The following CACNA1C variants were observed in gnomAD, a reference collection of about 807,000 sequenced individuals.
CACNA1C encodes voltage-dependent L-type calcium channel subunit alpha-1C.
Under a neutral mutation model 229.0 loss-of-function variants are expected in CACNA1C, and 30 were observed. The observed-to-expected ratio is 0.13, with a 90% CI of 0.10 to 0.18. CACNA1C has a LOEUF of 0.18. CACNA1C is among the 10% of genes least tolerant of loss of function. The pLI, the probability that CACNA1C is intolerant of heterozygous loss-of-function variation, is 1.00. For missense variants in CACNA1C, 1,658 were observed against 2,845.0 expected, an observed-to-expected ratio of 0.58 and a Z score of 9.49; for synonymous variants, 1,114 against 1,132.5, an observed-to-expected ratio of 0.98 and a Z score of 0.33.
chr12:2,560,840 G>A (rs974537486), intron 11 of CACNA1C, among the ~76,000 whole-genome samples: 2 of 103,626 alleles, frequency 1.9e-5, no homozygotes, highest in Non-Finnish European at 3.7e-5. Context: ...GTTTGTTGTT[G>A]GTTCTGGTAA....
At chr12:1,991,371 ACAGTGC>A in intron 1 of CACNA1C, 1 of 387,028 alleles carries the variant, frequency 2.6e-6, no homozygotes, top group South Asian at 2.0e-5. Flanking sequence ...TTAAAATAGA[ACAGTGC>A]CATTCAATAG....
At chr12:2,300,103 G>T (rs957779762) in intron 3 of CACNA1C, among the ~76,000 whole-genome samples, 6 of 152,216 alleles carry the variant, frequency 3.9e-5, no homozygotes, top group Non-Finnish European at 7.3e-5. Context: ...AGAGGCTAGT[G>T]GGGGTAAATT....
At chr12:2,081,282 AT>A (rs2065470263) in intron 1 of CACNA1C, among the ~76,000 whole-genome samples, 1 of 152,176 alleles carries the variant, frequency 6.6e-6, no homozygotes, top group African/African-American at 2.4e-5. Context: ...ATGGAAAGAC[AT>A]TTTTCGGCCA....
At chr12:2,239,161 C>T (rs1430772381) in intron 3 of CACNA1C, among the ~76,000 whole-genome samples, 1 of 152,138 alleles carries the variant, frequency 6.6e-6, no homozygotes, top group Non-Finnish European at 1.5e-5. Flanking sequence ...AGGGAGGAGC[C>T]GTGAAGATAA....
chr12:2,242,209 G>C (rs2070749175), intron 3 of CACNA1C, among the ~76,000 whole-genome samples: 1 of 152,174 alleles, frequency 6.6e-6, no homozygotes, highest in South Asian at 2.1e-4. Flanking sequence ...CTTCAGGTCA[G>C]ACAATGCAAA....
intron 3 of CACNA1C, among the ~76,000 whole-genome samples, chr12:2,268,885 A>T (rs891731029): frequency 1.3e-5 from 2 of 152,108 alleles, no homozygotes; most frequent in Non-Finnish European, 2.9e-5. Flanking sequence ...TCCCTTCCTG[A>T]AGTGGAATGG....
chr12:2,254,198 C>A (rs545596500), intron 3 of CACNA1C, among the ~76,000 whole-genome samples: 2 of 152,206 alleles, frequency 1.3e-5, no homozygotes, highest in African/African-American at 2.4e-5. Context: ...GTGCTCACCA[C>A]TCGAGAGCCC....
intron 29 of CACNA1C, among the ~76,000 whole-genome samples, chr12:2,619,324 C>T (rs914479576): frequency 6.6e-6 from 1 of 152,240 alleles, no homozygotes; most frequent in African/African-American, 2.4e-5. Context: ...TGAAACTCAG[C>T]CGGATCCCTA....
At chr12:2,079,056 A>T (rs1335488882) in intron 1 of CACNA1C, among the ~76,000 whole-genome samples, 11 of 147,660 alleles carry the variant, frequency 7.4e-5, no homozygotes, top group African/African-American at 2.5e-4. Context: ...ACATGTTCTC[A>T]CTTATAGGTG....
intron 1 of CACNA1C, among the ~76,000 whole-genome samples, chr12:2,013,856 A>G (rs1342908628): frequency 6.6e-6 from 1 of 152,180 alleles, no homozygotes; most frequent in Non-Finnish European, 1.5e-5. Context: ...GCTCTTAGAA[A>G]CACTTTAAGT....
Position 2,504,345 on chromosome 12 carries a change from G to A in CACNA1C, c.1114-497G>A. ...ACAAAGCCCACGTTCAGCCCCGTCT[G>A]TCCCCTCCCAATCTGCTCACACCTG... On this transcript the variant is annotated intron_variant, in intron 7 of 46. Transcript: ENST00000399655. The surrounding 1 kb of genome is among the most constrained non-coding windows in gnomAD (Gnocchi z 6.8). 2 of 747,250 alleles carry A rather than the reference G, an allele frequency of 2.7e-6. No homozygotes were observed. The highest frequency in any genetic ancestry group is 1.9e-5 in the Admixed American group (1 of 52,968). 46.3% of individuals were successfully genotyped at this position (747,250 alleles called of 1,614,324 possible).
At position 2,215,729 on chromosome 12, in the gene CACNA1C, T is replaced by C. The variant is rs2059806927; in HGVS notation, c.477+95299T>C. ...AGGCCAGTCCTTGGAGCTGCTGCCATGGCTTCAGCTTCCAGTACCCTGTTT... is the reference window on the plus strand; with the variant it reads ...AGGCCAGTCCTTGGAGCTGCTGCCACGGCTTCAGCTTCCAGTACCCTGTTT... On this transcript the variant is annotated intron_variant, in intron 3 of 46. Coordinates refer to ENST00000399655, the MANE Select transcript of CACNA1C (RefSeq NM_000719.7). This position sits in a 1 kb window ranked among gnomAD's most constrained non-coding sequence, Gnocchi z 5.0. Among the ~76,000 whole-genome samples, 1 of 152,198 alleles carries C rather than the reference T, an allele frequency of 6.6e-6. No homozygotes were observed. Among genetic ancestry groups the C allele is most frequent in the South Asian group, 2.1e-4 (1 of 4,830 alleles).
chr12:2,688,900 G>A (rs992124100), intron 46 of CACNA1C, 121 bp downstream of exon 46: 20 of 818,938 alleles, frequency 2.4e-5, no homozygotes, highest in African/African-American at 6.9e-5. Context: ...ATCTGAGCCC[G>A]AAAGACCCTC....
intron 3 of CACNA1C, among the ~76,000 whole-genome samples, chr12:2,399,869 C>T (rs1054869584): frequency 2.6e-5 from 4 of 152,204 alleles, no homozygotes; most frequent in African/African-American, 9.7e-5. Context: ...TCATTAATAA[C>T]TCAGCATCTG....
intron 3 of CACNA1C, among the ~76,000 whole-genome samples, chr12:2,352,283 G>T (rs1015472634): frequency 1.6e-4 from 25 of 152,174 alleles, no homozygotes; most frequent in Non-Finnish European, 3.5e-4. Context: ...GCTGCCTAAG[G>T]TTGTCAGAAG....
At chr12:2,264,994 T>A (rs1223503826) in intron 3 of CACNA1C, among the ~76,000 whole-genome samples, 1 of 152,204 alleles carries the variant, frequency 6.6e-6, no homozygotes, top group Non-Finnish European at 1.5e-5. Flanking sequence ...CTTGACTACT[T>A]CTTAAGCCTC....
intron 3 of CACNA1C, among the ~76,000 whole-genome samples, chr12:2,309,859 C>T (rs1418493920): frequency 2.0e-5 from 3 of 152,192 alleles, no homozygotes; most frequent in African/African-American, 7.2e-5. Flanking sequence ...CACCAAGTAG[C>T]AAATGCTGTG....
At chr12:2,667,836 T>C (rs921068107) in intron 37 of CACNA1C, among the ~76,000 whole-genome samples, 1 of 151,882 alleles carries the variant, frequency 6.6e-6, no homozygotes, top group African/African-American at 2.4e-5. Context: ...TAGCAGGAGG[T>C]CACCGTGTGA....
rs73246666 is a variant in CACNA1C at position 2,413,973 on chromosome 12, C to A, written c.478-35003C>A. Among the ~76,000 whole-genome samples the A allele has an allele frequency of 4.1e-3, 630 of 152,266 alleles. 5 individuals carry two copies. Among genetic ancestry groups the A allele is most frequent in the African/African-American group, 0.014 (600 of 41,540 alleles). ...TCTGATGAGTTTTTAAATAACCCCC[C>A]ACCCAAGGCTGCCCCCAAAACTCAA... On this transcript the variant is annotated intron_variant, in intron 3 of 46. Coordinates refer to ENST00000399655, the MANE Select transcript of CACNA1C (RefSeq NM_000719.7).
Sources: allele counts gnomAD v4.1 joint callset (sites outside exome capture counted in the v4.1 genomes callset), GRCh38; gene constraint gnomAD v4.1.1; non-coding constraint Gnocchi (gnomAD v3.1); transcripts MANE v1.5; gene names NCBI Gene and HGNC (gene_info 2026-07-23, HGNC 2026-07-21).